Variants in ZNF248 observed in about 807,000 individuals in gnomAD.
ZNF248 encodes KRAB protein domain.
In ZNF248, 20 loss-of-function variants were observed where a neutral mutation model predicts 44.3. That is an observed-to-expected ratio of 0.45 (90% CI 0.32 to 0.66). The LOEUF (loss-of-function observed/expected upper bound fraction) is 0.66, where lower values mean the gene tolerates loss of function less well. Ranked by LOEUF, ZNF248 falls within the 30% of genes least tolerant of loss-of-function variation. The pLI, the probability that ZNF248 is intolerant of heterozygous loss-of-function variation, is 0.04. For missense variants in ZNF248, 654 were observed against 677.0 expected (o/e 0.97, Z 0.38); for synonymous variants, 224 against 229.0 (o/e 0.98, Z 0.20).
the ZNF248 span, among the ~76,000 whole-genome samples, chr10:37,759,578 A>C: frequency 1.2e-4 from 19 of 152,238 alleles, no homozygotes; most frequent in Non-Finnish European, 1.8e-4. Context: ...CATCTCTGTT[A>C]GTCACACAGA....
At chr10:37,844,344 T>C (rs1189160188) in intron 3 of ZNF248, among the ~76,000 whole-genome samples, 4 of 152,134 alleles carry the variant, frequency 2.6e-5, no homozygotes, top group Non-Finnish European at 5.9e-5. Context: ...AACCCTGCCC[T>C]ACAGAAAATA....
chr10:37,763,407 G>T, the ZNF248 span, among the ~76,000 whole-genome samples: 1 of 152,214 alleles, frequency 6.6e-6, no homozygotes, highest in Non-Finnish European at 1.5e-5. Context: ...TGGTGGCAGG[G>T]CAGTGTGAGT....
At chr10:37,771,261 C>T in the ZNF248 span, among the ~76,000 whole-genome samples, 4 of 152,170 alleles carry the variant, frequency 2.6e-5, no homozygotes. Flanking sequence ...ACCCAGCCAT[C>T]CCATTACTGG....
chr10:37,851,683 G>C (rs902302064), intron 3 of ZNF248, among the ~76,000 whole-genome samples: 2 of 135,072 alleles, frequency 1.5e-5, no homozygotes, highest in African/African-American at 5.6e-5. Context: ...TCAATGAAGA[G>C]AATATACAGG....
chr10:37,837,831 A>G, intron 4 of ZNF248, 119 bp from the exon 5 acceptor site: 1 of 1,353,992 alleles, frequency 7.4e-7, no homozygotes, highest in Non-Finnish European at 1.0e-6. Flanking sequence ...GCACAAATGA[A>G]CCAATCTCTG....
At chr10:37,762,569 T>TG in the ZNF248 span, among the ~76,000 whole-genome samples, 3 of 152,058 alleles carry the variant, frequency 2.0e-5, no homozygotes, top group East Asian at 5.8e-4. Flanking sequence ...GATTGGGGGA[T>TG]GGGGGGTTAA....
intron 3 of ZNF248, among the ~76,000 whole-genome samples, chr10:37,847,184 T>C (rs2059461486): frequency 6.6e-6 from 1 of 152,160 alleles, no homozygotes; most frequent in Non-Finnish European, 1.5e-5. Flanking sequence ...TGAGCCACCA[T>C]GCCCAGCTAA....
chr10:37,809,521 A>G (rs1345397841), intron 6 of ZNF248, among the ~76,000 whole-genome samples: 2 of 152,114 alleles, frequency 1.3e-5, no homozygotes, highest in Non-Finnish European at 2.9e-5. Context: ...GAAGTGATTC[A>G]CCAGTCTTGG....
chr10:37,818,983 T>G, intron 6 of ZNF248: 1 of 1,025,506 alleles, frequency 9.8e-7, no homozygotes. Context: ...CACAAAACTC[T>G]GGTGTTAAAT....
chr10:37,780,953 G>A (rs1333186808), intron 6 of ZNF248, among the ~76,000 whole-genome samples: 1 of 152,232 alleles, frequency 6.6e-6, no homozygotes, highest in Non-Finnish European at 1.5e-5. Flanking sequence ...AAGGCGCAGA[G>A]CACAGTTGTT....
intron 5 of ZNF248, among the ~76,000 whole-genome samples, chr10:37,836,193 T>C (rs2057123454): frequency 6.6e-6 from 1 of 151,972 alleles, no homozygotes; most frequent in South Asian, 2.1e-4. Flanking sequence ...CACTATCCTC[T>C]CTCCTCTGAA....
At chr10:37,820,937 A>G in intron 6 of ZNF248, 1 of 1,595,032 alleles carries the variant, frequency 6.3e-7, no homozygotes, top group Non-Finnish European at 8.6e-7. Flanking sequence ...CTGGCCTCCA[A>G]TAATTCCTGC....
In ZNF248 at chr10:37,804,419, ATTTAT is replaced by A. The variant is rs929733909; in HGVS notation, c.331-27849_331-27845del. ...TATTTGAATTATAATAGTGAATCTT[ATTTAT>A]TTTATGTATTTATTTATTTCTTTAT... is the stretch of plus-strand genomic sequence containing the variant. On this transcript the variant is annotated intron_variant, in intron 6 of 6. Transcript: ENST00000615949. Among the ~76,000 whole-genome samples, 7 of 149,774 alleles carry A rather than the reference ATTTAT, an allele frequency of 4.7e-5. No homozygotes were observed. The South Asian group carries it at 1.3e-3, about 27-fold the overall frequency.
intron 6 of ZNF248, among the ~76,000 whole-genome samples, chr10:37,796,682 A>G (rs1025419122): frequency 1.3e-5 from 2 of 151,044 alleles, no homozygotes; most frequent in Non-Finnish European, 2.9e-5. Flanking sequence ...TCCCCCTTTC[A>G]GTATTCTAGG....
chr10:37,838,454 T>C (rs935435600), intron 3 of ZNF248, among the ~76,000 whole-genome samples: 2 of 152,170 alleles, frequency 1.3e-5, no homozygotes, highest in Admixed American at 1.3e-4. Context: ...ACAGAGGAAA[T>C]ATTAGTTGTT....
the ZNF248 span, among the ~76,000 whole-genome samples, chr10:37,763,892 GTC>G: frequency 8.6e-4 from 131 of 152,258 alleles, 1 homozygote; most frequent in Middle Eastern, 6.8e-3. Flanking sequence ...TCCTATGCCT[GTC>G]TTTAATCTCT....
intron 6 of ZNF248, among the ~76,000 whole-genome samples, chr10:37,802,291 A>T (rs2133227672): frequency 6.6e-6 from 1 of 152,294 alleles, no homozygotes; most frequent in South Asian, 2.1e-4. Context: ...AGAGAATGAG[A>T]TCCTGTGCAA....
the ZNF248 span, among the ~76,000 whole-genome samples, chr10:37,769,769 C>A: frequency 3.3e-5 from 5 of 152,082 alleles, no homozygotes; most frequent in African/African-American, 7.2e-5. Context: ...GAAGTTCTGG[C>A]CAGGGCAATT....
In ZNF248 at chr10:37,787,646, C is replaced by CA. The variant is rs61458852; in HGVS notation, c.331-11072dup. On this transcript the variant is annotated intron_variant, in intron 6 of 6. Coordinates refer to the ZNF248 transcript ENST00000615949. ...TTGGGACAATTGTATATCCCCATGC[C>CA]AAAAAAAAAAAATAGTAACTTAGAC... Among the ~76,000 whole-genome samples, 369 of 141,464 alleles carry CA rather than the reference C, an allele frequency of 2.6e-3. 1 individual carries two copies. The highest frequency in any genetic ancestry group is 7.4e-3 in the East Asian group (36 of 4,848). 92.8% of individuals were successfully genotyped at this position (141,464 alleles called of 152,430 possible). A position where few individuals can be genotyped will look rare whatever the true frequency, so the allele number is the denominator to read the frequency against.
Sources: gnomAD v4.1 joint callset for allele counts (sites outside exome capture counted in the v4.1 genomes callset) on GRCh38, gnomAD v4.1.1 for gene constraint, MANE v1.5 for transcripts, NCBI Gene and HGNC (gene_info 2026-07-23, HGNC 2026-07-21) for gene names.